ROBO1: variants seen among roughly 807,000 people sequenced by gnomAD.
ROBO1 encodes roundabout homolog 1.
In ROBO1, 149 loss-of-function variants were observed where a neutral mutation model predicts 195.9. The ratio of observed to expected loss-of-function variants is 0.76; its 90% CI spans 0.67 to 0.87. ROBO1 has a LOEUF of 0.87. ROBO1 is among the 40% of genes least tolerant of loss of function. The pLI is 0.00. For missense variants in ROBO1, 1,933 were observed against 2,068.3 expected, an observed-to-expected ratio of 0.93 and a Z score of 1.27; for synonymous variants, 816 against 733.2, an observed-to-expected ratio of 1.11 and a Z score of -1.82.
intron 2 of ROBO1, among the ~76,000 whole-genome samples, chr3:79,412,248 C>T (rs1028026263): frequency 6.6e-6 from 1 of 152,116 alleles, no homozygotes; most frequent in Admixed American, 6.6e-5. Context: ...GTAATAGCTT[C>T]CTTGGTACAT....
At chr3:78,992,219 A>G (rs543212414) in intron 3 of ROBO1, among the ~76,000 whole-genome samples, 1 of 152,304 alleles carries the variant, frequency 6.6e-6, no homozygotes, top group South Asian at 2.1e-4. Flanking sequence ...ATGGCTACCC[A>G]ACATGTTTCA....
At chr3:79,312,153 C>A (rs1576959658) in intron 2 of ROBO1, among the ~76,000 whole-genome samples, 1 of 152,176 alleles carries the variant, frequency 6.6e-6, no homozygotes, top group Admixed American at 6.5e-5. Flanking sequence ...AACTACTTCT[C>A]ACTATTTTCA....
At position 79,349,573 on chromosome 3, in the gene ROBO1, C is replaced by T. The variant is rs540013011; in HGVS notation, c.89-224034G>A. ...CACATTATCCATTTTCAAAGCTTAC[C>T]TCCAAAGCAACAGTAATCAAGACAG... On this transcript the variant is annotated intron_variant, in intron 2 of 30. Coordinates refer to ENST00000464233, the MANE Select transcript of ROBO1 (RefSeq NM_002941.4). 2.6e-5 allele frequency among the ~76,000 whole-genome samples: 4 copies of T among 152,230 alleles called. No individual in the cohort carries two copies. The South Asian group carries it at 8.3e-4, about 32-fold the overall frequency.
At chr3:78,791,898 T>C (rs2084034419) in intron 4 of ROBO1, among the ~76,000 whole-genome samples, 1 of 152,224 alleles carries the variant, frequency 6.6e-6, no homozygotes, top group South Asian at 2.1e-4. Flanking sequence ...CATCTGCTCC[T>C]GCCAGTTTGT....
At chr3:79,577,717 AACACAC>A (rs58998352) in intron 2 of ROBO1, among the ~76,000 whole-genome samples, 2,138 of 140,688 alleles carry the variant, frequency 0.015, 20 homozygotes, top group Non-Finnish European at 0.019. Context: ...CTTTACTAAA[AACACAC>A]ACACACACAC....
chr3:79,581,132 T>A (rs1943647338), intron 2 of ROBO1, among the ~76,000 whole-genome samples: 1 of 151,168 alleles, frequency 6.6e-6, no homozygotes, highest in Non-Finnish European at 1.5e-5. Flanking sequence ...TTTGTTTTTG[T>A]CTTGTTTTAT....
At chr3:79,649,896 T>G (rs2106737682) in intron 1 of ROBO1, among the ~76,000 whole-genome samples, 1 of 152,180 alleles carries the variant, frequency 6.6e-6, no homozygotes, top group Non-Finnish European at 1.5e-5. Context: ...ATCCATCTTA[T>G]TGGTTCTGTT....
intron 5 of ROBO1, among the ~76,000 whole-genome samples, chr3:78,726,193 A>G (rs1201835245): frequency 6.6e-6 from 1 of 152,188 alleles, no homozygotes; most frequent in Non-Finnish European, 1.5e-5. Flanking sequence ...TATATTTTAC[A>G]TGCAAAATCT....
intron 2 of ROBO1, among the ~76,000 whole-genome samples, chr3:79,496,709 T>A (rs535082445): frequency 2.6e-5 from 4 of 152,164 alleles, no homozygotes; most frequent in African/African-American, 9.6e-5. Context: ...TTTATACCTA[T>A]CAAAATAGCC....
intron 4 of ROBO1, among the ~76,000 whole-genome samples, chr3:78,836,383 G>A (rs1487124278): frequency 6.6e-6 from 1 of 151,518 alleles, no homozygotes; most frequent in Non-Finnish European, 1.5e-5. Flanking sequence ...GTGGTGGCGG[G>A]TGCCTGTAGT....
At chr3:79,158,907 C>T (rs2080905478) in intron 2 of ROBO1, among the ~76,000 whole-genome samples, 1 of 151,750 alleles carries the variant, frequency 6.6e-6, no homozygotes, top group South Asian at 2.1e-4. Flanking sequence ...ACATTTAAAA[C>T]AAATTTATAC....
At chr3:78,996,381 T>C (rs1240621612) in intron 3 of ROBO1, among the ~76,000 whole-genome samples, 4 of 151,268 alleles carry the variant, frequency 2.6e-5, no homozygotes, top group Non-Finnish European at 4.4e-5. Flanking sequence ...CCTTGGACAA[T>C]CTACCACTTC....
intron 10 of ROBO1, among the ~76,000 whole-genome samples, chr3:78,684,619 G>A (rs2081010079): frequency 6.6e-6 from 1 of 152,060 alleles, no homozygotes; most frequent in Non-Finnish European, 1.5e-5. Flanking sequence ...GAAACAGGAT[G>A]GAATTAGTAG....
At chr3:79,527,175 A>C (rs979273125) in intron 2 of ROBO1, among the ~76,000 whole-genome samples, 1 of 152,186 alleles carries the variant, frequency 6.6e-6, no homozygotes, top group East Asian at 1.9e-4. Context: ...CAATAGAGGT[A>C]AAATGATATC....
intron 3 of ROBO1, among the ~76,000 whole-genome samples, chr3:79,059,307 CA>C (rs781457635): frequency 1.1e-4 from 17 of 152,016 alleles, no homozygotes; most frequent in Admixed American, 3.3e-4. Flanking sequence ...GGCATTAGAT[CA>C]GGGGCAGAAA....
At chr3:78,800,526 T>A (rs2084334584) in intron 4 of ROBO1, among the ~76,000 whole-genome samples, 1 of 151,854 alleles carries the variant, frequency 6.6e-6, no homozygotes, top group Non-Finnish European at 1.5e-5. Context: ...GTTGTGAAGA[T>A]GGCCAAATGA....
chr3:78,948,245 C>T (rs1338551710), intron 3 of ROBO1, among the ~76,000 whole-genome samples: 1 of 152,160 alleles, frequency 6.6e-6, no homozygotes, highest in Non-Finnish European at 1.5e-5. Context: ...CTTTGATGAA[C>T]ATTGATGCAA....
At chr3:79,371,397 T>C (rs2036187647) in intron 2 of ROBO1, among the ~76,000 whole-genome samples, 1 of 152,132 alleles carries the variant, frequency 6.6e-6, no homozygotes, top group South Asian at 2.1e-4. Context: ...TAATGGACCC[T>C]TTAGAAAATT....
At chr3:79,216,011 A>T (rs1332092305) in intron 2 of ROBO1, among the ~76,000 whole-genome samples, 1 of 152,160 alleles carries the variant, frequency 6.6e-6, no homozygotes, top group Non-Finnish European at 1.5e-5. Flanking sequence ...TATAAAGATT[A>T]ATTTTAACTG....
Sources: gnomAD v4.1 joint callset for allele counts (sites outside exome capture counted in the v4.1 genomes callset) on GRCh38, gnomAD v4.1.1 for gene constraint, MANE v1.5 for transcripts, NCBI Gene and HGNC (gene_info 2026-07-23, HGNC 2026-07-21) for gene names.